LSM12: variants seen among roughly 807,000 people sequenced by gnomAD.
LSM12 encodes protein LSM12.
For synonymous variants in LSM12, 74 were observed against 87.3 expected, an observed-to-expected ratio of 0.85 and a Z score of 0.85; for missense variants, 108 against 238.9, an observed-to-expected ratio of 0.45 and a Z score of 3.61.
intron 4 of LSM12, 71 bp downstream of exon 4, chr17:44,037,341 T>C: frequency 6.7e-7 from 1 of 1,489,426 alleles, no homozygotes; most frequent in Non-Finnish European, 8.9e-7. Flanking sequence ...AATGTCCTGG[T>C]CTGGTGCTAA....
intron 2 of LSM12, among the ~76,000 whole-genome samples, chr17:44,046,243 ACTTTTTAAAAGTAAAAAGATTTTG>A (rs1373839907): frequency 1.3e-5 from 2 of 151,794 alleles, no homozygotes; most frequent in South Asian, 2.1e-4. Flanking sequence ...CCAACGTTTT[ACTTTTTAAAAGTAAAAAGATTTTG>A]CTTTTTAAAA....
chr17:44,042,134 A>T (rs191661220), intron 2 of LSM12, among the ~76,000 whole-genome samples: 52 of 152,202 alleles, frequency 3.4e-4, no homozygotes, highest in African/African-American at 1.1e-3. Context: ...TAAAAATACA[A>T]AAATTAGATG....
At chr17:44,054,687 C>A (rs190882434) in intron 2 of LSM12, among the ~76,000 whole-genome samples, 4 of 152,248 alleles carry the variant, frequency 2.6e-5, no homozygotes, top group African/African-American at 9.6e-5. Flanking sequence ...CATGCCCCTG[C>A]CACTCAGCAG....
intron 2 of LSM12, among the ~76,000 whole-genome samples, chr17:44,041,306 C>CACACACACACACACACAA (rs2049488481): frequency 7.1e-6 from 1 of 140,550 alleles, no homozygotes; most frequent in Non-Finnish European, 1.5e-5. Context: ...CACACACACA[C>CACACACACACACACACAA]ACACACACAC....
upstream of LSM12, chr17:44,066,779 G>C: frequency 1.5e-6 from 1 of 652,882 alleles, no homozygotes; most frequent in Middle Eastern, 5.2e-4. Context: ...AATCTGAAAA[G>C]TATTTGTATA....
At chr17:44,047,845 A>C (rs2049589888) in intron 2 of LSM12, among the ~76,000 whole-genome samples, 1 of 151,816 alleles carries the variant, frequency 6.6e-6, no homozygotes, top group Admixed American at 6.6e-5. Context: ...AGCCTCCCAA[A>C]GTGCTGGAAT....
At chr17:44,062,927 A>T (rs376283442) in intron 2 of LSM12, among the ~76,000 whole-genome samples, 11 of 151,776 alleles carry the variant, frequency 7.2e-5, no homozygotes, top group African/African-American at 2.7e-4. Context: ...AAATTTGGCC[A>T]GGCGTCGTGG....
intron 2 of LSM12, among the ~76,000 whole-genome samples, chr17:44,054,613 G>A (rs927456359): frequency 6.6e-6 from 1 of 151,582 alleles, no homozygotes; most frequent in African/African-American, 2.4e-5. Flanking sequence ...CCAAGTCGGT[G>A]ATTTTTAAAA....
intron 1 of LSM12, 138 bp downstream of exon 1, chr17:44,066,326 G>A: frequency 8.8e-7 from 1 of 1,130,030 alleles, no homozygotes; most frequent in Non-Finnish European, 1.2e-6. Context: ...TCAGGGCCGT[G>A]CGCATGCGCC....
chr17:44,041,100 G>A (rs1160522466), intron 2 of LSM12, among the ~76,000 whole-genome samples: 10 of 149,702 alleles, frequency 6.7e-5, no homozygotes, highest in Admixed American at 2.7e-4. Context: ...GTGAAACCCC[G>A]TCTCTACTAA....
intron 2 of LSM12, 116 bp from the exon 3 acceptor site, chr17:44,040,372 T>A (rs1487601636): frequency 1.4e-6 from 1 of 723,424 alleles, no homozygotes; most frequent in African/African-American, 1.8e-5. Context: ...CAGATTCTGT[T>A]TTCTCAGAAA....
chr17:44,066,365 A>G, intron 1 of LSM12, 99 bp downstream of exon 1: 1 of 1,444,530 alleles, frequency 6.9e-7, no homozygotes, highest in Non-Finnish European at 9.2e-7. Context: ...GGTCGCCCCT[A>G]GGCCCGGAGA....
chr17:44,036,003 A>G lies in LSM12; in HGVS notation c.*205T>C. Reference sequence around the variant, plus strand: ...ATGGTGGACCGAAGTCTGTTAGTCAAGTAATGATTCAACTTTTAAATTATT... The same window carrying G: ...ATGGTGGACCGAAGTCTGTTAGTCAGGTAATGATTCAACTTTTAAATTATT... On this transcript the variant is annotated 3_prime_UTR_variant, in exon 5 of 5. Coordinates refer to ENST00000293406, the MANE Select transcript of LSM12 (RefSeq NM_001371445.1). The G allele has an allele frequency of 2.3e-6, 1 of 441,330 alleles. No homozygotes were observed. The allele number at this position is 441,330 out of a possible 1,614,324, so 27.3% of individuals were successfully genotyped here. A position where few individuals can be genotyped will look rare whatever the true frequency, so the allele number is the denominator to read the frequency against.
intron 1 of LSM12, among the ~76,000 whole-genome samples, chr17:44,066,253 G>A (rs1374043488): frequency 6.7e-6 from 1 of 149,138 alleles, no homozygotes; most frequent in Non-Finnish European, 1.5e-5. Context: ...CCCAGCTCCC[G>A]CAAAGAGAGA....
At chr17:44,060,502 T>C (rs2049782409) in intron 2 of LSM12, among the ~76,000 whole-genome samples, 1 of 152,200 alleles carries the variant, frequency 6.6e-6, no homozygotes, top group Admixed American at 6.6e-5. Flanking sequence ...TATAGCTTAC[T>C]CATAAACATC....
At chr17:44,057,886 C>T (rs2049739311) in intron 2 of LSM12, among the ~76,000 whole-genome samples, 1 of 151,962 alleles carries the variant, frequency 6.6e-6, no homozygotes, top group Non-Finnish European at 1.5e-5. Context: ...TGTCACAATG[C>T]CCTCCTTCCC....
chr17:44,040,096 C>A, intron 3 of LSM12, 51 bp downstream of exon 3: 3 of 1,420,920 alleles, frequency 2.1e-6, no homozygotes, highest in Non-Finnish European at 3.0e-6. Context: ...CCAGACAGCA[C>A]AACCAGGTAG....
chr17:44,066,667 A>G lies in LSM12; in HGVS notation c.-80T>C, dbSNP rs1359748655. ...GGCCCCCAGTGAGCGCCGCGACGCG[A>G]CGGCGCGCACGGAGCGTGCTTGCGT... is the stretch of plus-strand genomic sequence containing the variant. On this transcript the variant is annotated 5_prime_UTR_variant, in exon 1 of 5. Coordinates refer to ENST00000293406, the MANE Select transcript of LSM12 (RefSeq NM_001371445.1). 3 of 1,260,384 alleles carry G rather than the reference A, an allele frequency of 2.4e-6. No individual in the cohort carries two copies. Among genetic ancestry groups the G allele is most frequent in the Admixed American group, 4.4e-5 (1 of 22,940 alleles). The allele number at this position is 1,260,384 out of a possible 1,614,324, so 78.1% of individuals were successfully genotyped here.
intron 2 of LSM12, among the ~76,000 whole-genome samples, chr17:44,050,702 G>A (rs1207194563): frequency 6.6e-6 from 1 of 151,930 alleles, no homozygotes; most frequent in Non-Finnish European, 1.5e-5. Context: ...TGTATTTTGA[G>A]AAGAGATGGG....
Sources: gnomAD v4.1 joint callset for allele counts (sites outside exome capture counted in the v4.1 genomes callset) on GRCh38, gnomAD v4.1.1 for gene constraint, MANE v1.5 for transcripts, NCBI Gene and HGNC (gene_info 2026-07-23, HGNC 2026-07-21) for gene names.